The following IGF1R variants were observed in gnomAD, a reference collection of about 807,000 sequenced individuals.
IGF1R encodes insulin-like growth factor 1 receptor.
In IGF1R, 44 loss-of-function variants were observed where a neutral mutation model predicts 144.6. That is an observed-to-expected ratio of 0.30 (90% CI 0.24 to 0.39). IGF1R has a LOEUF of 0.39. Ranked by LOEUF, IGF1R falls within the 10% of genes least tolerant of loss-of-function variation. The pLI, the probability that IGF1R is intolerant of heterozygous loss-of-function variation, is 1.00. For missense variants in IGF1R, 1,355 were observed against 1,833.7 expected (o/e 0.74, Z 4.77); for synonymous variants, 795 against 722.8 (o/e 1.10, Z -1.60).
At chr15:98,680,424 G>A (rs1014323344) in intron 1 of IGF1R, among the ~76,000 whole-genome samples, 5 of 151,854 alleles carry the variant, frequency 3.3e-5, no homozygotes, top group African/African-American at 9.7e-5. Flanking sequence ...CTGCCACCAC[G>A]CCTGGCTAAT....
At chr15:98,925,231 C>G (rs1034878973) in intron 13 of IGF1R, among the ~76,000 whole-genome samples, 1 of 152,120 alleles carries the variant, frequency 6.6e-6, no homozygotes, top group Non-Finnish European at 1.5e-5. Context: ...ATGTACGGTG[C>G]TCACCCTTTG....
chr15:98,792,613 T>C (rs1049537399), intron 2 of IGF1R, among the ~76,000 whole-genome samples: 1 of 152,198 alleles, frequency 6.6e-6, no homozygotes, highest in African/African-American at 2.4e-5. Context: ...TTAGGGGATC[T>C]TTTCATATAT....
At chr15:98,909,923 G>C (rs1170290904) in intron 6 of IGF1R, among the ~76,000 whole-genome samples, 3 of 152,284 alleles carry the variant, frequency 2.0e-5, no homozygotes, top group South Asian at 4.1e-4. Context: ...TGGCTGGATA[G>C]GGTTATAAAA....
At chr15:98,740,797 C>T (rs1177385375) in intron 2 of IGF1R, among the ~76,000 whole-genome samples, 1 of 152,164 alleles carries the variant, frequency 6.6e-6, no homozygotes, top group Non-Finnish European at 1.5e-5. Flanking sequence ...AGGTGGCTGG[C>T]TTAGGAAATG....
At position 98,911,351 on chromosome 15, in the gene IGF1R, C is replaced by T. The variant is rs146408770; in HGVS notation, c.1499C>T (p.Thr500Met). 35 of 1,614,062 alleles carry T rather than the reference C, an allele frequency of 2.2e-5. No homozygotes were observed. Among genetic ancestry groups the T allele is most frequent in the East Asian group, 1.8e-4 (8 of 44,896 alleles). ...GTCCTGCATTTCACCTCCACCACCA[C>T]GTCGAAGAATCGCATCATCATAACC... ...SDVLHFTSTT[T>M]SKNRIIITWH... The change falls in exon 7 of 21, where the codon ACG (threonine) becomes ATG (methionine). Residue 500 changes from threonine (T) to methionine (M), a missense_variant. This residue lies in a region of IGF1R where 880 missense variants were observed against 1,202.7 expected (regional missense o/e 0.73). Coordinates refer to ENST00000650285, the MANE Select transcript of IGF1R (RefSeq NM_000875.5).
At chr15:98,664,235 C>A (rs1261105834) in intron 1 of IGF1R, among the ~76,000 whole-genome samples, 1 of 152,084 alleles carries the variant, frequency 6.6e-6, no homozygotes, top group Non-Finnish European at 1.5e-5. Flanking sequence ...TCTCCCTTTT[C>A]CCCCCAGTCT....
chr15:98,725,918 G>A (rs4965431), intron 2 of IGF1R, among the ~76,000 whole-genome samples: 74,670 of 151,998 alleles, frequency 0.49, 19,747 homozygotes, highest in Non-Finnish European at 0.58. Context: ...AGAATAGCAC[G>A]GGAAAGACCA....
At chr15:98,655,611 C>T (rs1047653650) in intron 1 of IGF1R, among the ~76,000 whole-genome samples, 16 of 151,488 alleles carry the variant, frequency 1.1e-4, no homozygotes, top group Non-Finnish European at 1.5e-5. Context: ...TTAAAGATAC[C>T]CGTCAAACTA....
At chr15:98,934,496 T>G (rs369055863) in intron 15 of IGF1R, among the ~76,000 whole-genome samples, 25 of 152,334 alleles carry the variant, frequency 1.6e-4, no homozygotes, top group Admixed American at 3.9e-4. Context: ...AAAATGTGTT[T>G]TTATGTGATG....
At chr15:98,782,427 C>T (rs1302209260) in intron 2 of IGF1R, among the ~76,000 whole-genome samples, 2 of 152,128 alleles carry the variant, frequency 1.3e-5, no homozygotes, top group Non-Finnish European at 2.9e-5. Flanking sequence ...TTCATTACAA[C>T]TAATTTTGAA....
At chr15:98,754,654 A>T (rs1363242241) in intron 2 of IGF1R, among the ~76,000 whole-genome samples, 11 of 152,112 alleles carry the variant, frequency 7.2e-5, no homozygotes, top group Non-Finnish European at 1.6e-4. Context: ...ACAGGGAGGG[A>T]AGTTTTGGTT....
chr15:98,742,678 A>C (rs2054774075), intron 2 of IGF1R, among the ~76,000 whole-genome samples: 1 of 152,208 alleles, frequency 6.6e-6, no homozygotes, highest in South Asian at 2.1e-4. Context: ...AAAAAGTAGT[A>C]CTGATCATTT....
chr15:98,662,569 AT>A (rs113001138), intron 1 of IGF1R, among the ~76,000 whole-genome samples: 147 of 146,504 alleles, frequency 1.0e-3, no homozygotes, highest in African/African-American at 1.9e-3. Context: ...AAAGAATATG[AT>A]TTTTTTTTTT....
chr15:98,652,508 G>A (rs186105043), intron 1 of IGF1R, among the ~76,000 whole-genome samples: 1 of 152,206 alleles, frequency 6.6e-6, no homozygotes, highest in East Asian at 1.9e-4. Flanking sequence ...GTGTTTTGTG[G>A]AAGGGTGGGG....
intron 14 of IGF1R, 116 bp downstream of exon 14, chr15:98,929,776 C>A: frequency 1.3e-6 from 1 of 763,756 alleles, no homozygotes; most frequent in Non-Finnish European, 2.3e-6. Context: ...ACTGGAAAAC[C>A]TGATTTTCCC....
intron 2 of IGF1R, among the ~76,000 whole-genome samples, chr15:98,838,774 T>C (rs2011128534): frequency 6.6e-6 from 1 of 152,222 alleles, no homozygotes; most frequent in South Asian, 2.1e-4. Context: ...ACTCTGAGCA[T>C]GAGGGAAGTA....
At chr15:98,807,953 T>A (rs924176594) in intron 2 of IGF1R, among the ~76,000 whole-genome samples, 3 of 152,252 alleles carry the variant, frequency 2.0e-5, no homozygotes, top group Non-Finnish European at 4.4e-5. Context: ...TATAAAACAT[T>A]GCCTTATGAT....
At chr15:98,919,720 G>A (rs1266820573) in intron 10 of IGF1R, among the ~76,000 whole-genome samples, 2 of 152,130 alleles carry the variant, frequency 1.3e-5, no homozygotes, top group Middle Eastern at 3.2e-3. Flanking sequence ...TATTTTGTCC[G>A]TGGTGAGAGG....
At chr15:98,746,670 CCTTTTCCTT>C (rs2054874108) in intron 2 of IGF1R, among the ~76,000 whole-genome samples, 1 of 152,184 alleles carries the variant, frequency 6.6e-6, no homozygotes, top group Admixed American at 6.5e-5. Context: ...CCTTTGGTCT[CCTTTTCCTT>C]GTCATTGTTC....
Sources: gnomAD v4.1 joint callset for allele counts (sites outside exome capture counted in the v4.1 genomes callset) on GRCh38, gnomAD v4.1.1 for gene constraint, gnomAD v4.1.1 regional missense constraint, MANE v1.5 for transcripts, NCBI Gene and HGNC (gene_info 2026-07-23, HGNC 2026-07-21) for gene names.